ZNF469: variants seen among roughly 807,000 people sequenced by gnomAD.
ZNF469 encodes zinc finger protein 469.
Under a neutral mutation model 1.0 loss-of-function variants are expected in ZNF469, and 1 was observed. That is an observed-to-expected ratio of 1.00 (90% CI 0.35 to 4.73). The LOEUF is 4.73. Among genes scored for constraint, ZNF469 ranks in the 30% most tolerant of loss-of-function variants. ZNF469 has a pLI of 0.16. For synonymous variants in ZNF469, 2,703 were observed against 2,363.4 expected (o/e 1.14, Z -4.17); for missense variants, 6,100 against 5,356.3 (o/e 1.14, Z -4.33).
In ZNF469 at chr16:88,433,942, G is replaced by A. The variant is rs766049010; in HGVS notation, c.6472G>A (p.Asp2158Asn). The A allele has an allele frequency of 6.5e-7, 1 of 1,550,022 alleles. No individual in the cohort carries two copies. The highest frequency in any genetic ancestry group is 8.7e-7 in the Non-Finnish European group (1 of 1,146,910). The change falls in exon 3 of 3, where the codon GAC (aspartate) becomes AAC (asparagine). Residue 2158 changes from aspartate (D) to asparagine (N), a missense_variant. By Grantham distance (23) the Asp-to-Asn change is conservative. Transcript: ENST00000565624. Reference protein sequence around the residue: ...GQLPASPSCRDPPGPQQLLAC... With the variant: ...GQLPASPSCRNPPGPQQLLAC... ...GCTGCCAGCATCTCCGTCCTGCAGG[G>A]ACCCTCCCGGCCCCCAGCAGCTGCT...
the ZNF469 span, among the ~76,000 whole-genome samples, chr16:88,292,780 G>T: frequency 8.0e-6 from 1 of 124,594 alleles, no homozygotes; most frequent in Admixed American, 9.9e-5. Flanking sequence ...TATGTTAGCT[G>T]TCTCCACCCT....
chr16:88,237,122 G>T, the ZNF469 span, among the ~76,000 whole-genome samples: 1 of 146,284 alleles, frequency 6.8e-6, no homozygotes, highest in Non-Finnish European at 1.5e-5. Flanking sequence ...CAGCTTCCTG[G>T]GCCCCTAAAT....
rs1391650300 is a variant in ZNF469 at position 88,437,634 on chromosome 16, CGGGCTGCTGGAGCGGCCGGAGCT to C, written c.10166_10188del (p.Gly3389AlafsTer106). On this transcript the variant is annotated frameshift_variant, in exon 3 of 3. Transcript: ENST00000565624. LOFTEE classifies it low-confidence loss of function (END_TRUNC). ...TGCTGGCACACCTGGGCGGGGCGCA[CGGGCTGCTGGAGCGGCCGGAGCT>C]GCAGCACACGCCGCTGTATGCCTGC... The C allele has an allele frequency of 6.5e-7, 1 of 1,541,642 alleles. No homozygotes were observed.
At chr16:88,378,568 C>T (rs566995065), upstream of ZNF469, among the ~76,000 whole-genome samples, 1 of 152,116 alleles carries the variant, frequency 6.6e-6, no homozygotes, top group Non-Finnish European at 1.5e-5. Flanking sequence ...TAGGGAGCGC[C>T]GAGTCTGCAC....
the ZNF469 span, among the ~76,000 whole-genome samples, chr16:88,377,856 C>T: frequency 6.6e-6 from 1 of 151,680 alleles, no homozygotes; most frequent in Non-Finnish European, 1.5e-5. Flanking sequence ...CTTTCGTATT[C>T]TAGAGCTTGT....
intron 1 of ZNF469, among the ~76,000 whole-genome samples, chr16:88,416,795 CGGGA>C (rs1239493651): frequency 1.1e-4 from 17 of 152,302 alleles, no homozygotes; most frequent in African/African-American, 3.4e-4. Context: ...GCTCCCTCCA[CGGGA>C]CCCAGCCTGC....
chr16:88,376,799 C>A, the ZNF469 span, among the ~76,000 whole-genome samples: 3 of 152,214 alleles, frequency 2.0e-5, no homozygotes, highest in Non-Finnish European at 2.9e-5. Flanking sequence ...ACCCAGGCCA[C>A]CAGCTGCCTG....
the ZNF469 span, among the ~76,000 whole-genome samples, chr16:88,284,418 C>T: frequency 1.3e-5 from 2 of 152,088 alleles, no homozygotes; most frequent in Admixed American, 6.5e-5. Flanking sequence ...GAGTTTGAGA[C>T]CAGCCTGAGC....
the ZNF469 span, among the ~76,000 whole-genome samples, chr16:88,207,736 C>T: frequency 6.9e-6 from 1 of 144,122 alleles, no homozygotes; most frequent in African/African-American, 2.5e-5. Context: ...CCGCATCGCT[C>T]CCGTCCCCAC....
the ZNF469 span, among the ~76,000 whole-genome samples, chr16:88,272,947 CGGGTGGGTGTGTGG>C: frequency 7.4e-6 from 1 of 134,272 alleles, no homozygotes; most frequent in African/African-American, 2.9e-5. Context: ...GATGGATGAA[CGGGTGGGTGTGTGG>C]ATAGACGAGT....
At chr16:88,321,445 C>T in the ZNF469 span, among the ~76,000 whole-genome samples, 4 of 150,828 alleles carry the variant, frequency 2.7e-5, no homozygotes, top group African/African-American at 4.9e-5. Flanking sequence ...TGGATGTGGC[C>T]CTTGGCTGCT....
the ZNF469 span, among the ~76,000 whole-genome samples, chr16:88,297,432 A>G: frequency 6.6e-6 from 1 of 152,114 alleles, no homozygotes; most frequent in African/African-American, 2.4e-5. Context: ...GCACTCTGTC[A>G]TAGGCTTACC....
chr16:88,208,803 A>ACACT, the ZNF469 span, among the ~76,000 whole-genome samples: 15 of 123,656 alleles, frequency 1.2e-4, no homozygotes, highest in African/African-American at 4.7e-4. Flanking sequence ...ACACACACAC[A>ACACT]CTCTCTCTCT....
chr16:88,155,896 C>T, the ZNF469 span, among the ~76,000 whole-genome samples: 3 of 152,200 alleles, frequency 2.0e-5, no homozygotes, highest in South Asian at 2.1e-4. Flanking sequence ...GTCATCGCCA[C>T]GTTCTCATCA....
the ZNF469 span, among the ~76,000 whole-genome samples, chr16:88,237,195 C>A: frequency 3.8e-4 from 19 of 50,176 alleles, no homozygotes; most frequent in East Asian, 7.0e-4. Flanking sequence ...CCCTCCCTGC[C>A]CTCTGTGCTC....
the ZNF469 span, among the ~76,000 whole-genome samples, chr16:88,213,029 C>A: frequency 1.1e-4 from 17 of 151,982 alleles, no homozygotes; most frequent in Admixed American, 7.2e-4. Flanking sequence ...CTACCGTTTT[C>A]TTCTGCTTTG....
At chr16:88,200,240 C>T in the ZNF469 span, among the ~76,000 whole-genome samples, 96 of 152,244 alleles carry the variant, frequency 6.3e-4, 1 homozygote, top group African/African-American at 2.1e-3. Context: ...CAGGAGCCAG[C>T]GGGTGAAGTG....
the ZNF469 span, among the ~76,000 whole-genome samples, chr16:88,185,746 G>A: frequency 9.5e-5 from 9 of 94,576 alleles, no homozygotes; most frequent in African/African-American, 3.5e-4. Flanking sequence ...ATACACACTC[G>A]TGTGCCCAGA....
chr16:88,116,947 G>A, the ZNF469 span, among the ~76,000 whole-genome samples: 2 of 109,858 alleles, frequency 1.8e-5, no homozygotes, highest in Non-Finnish European at 3.8e-5. Flanking sequence ...TGCCTGAAGT[G>A]CATGCGTGCA....
Sources: gnomAD v4.1 joint callset for allele counts (sites outside exome capture counted in the v4.1 genomes callset) on GRCh38, gnomAD v4.1.1 for gene constraint, MANE v1.5 for transcripts, NCBI Gene and HGNC (gene_info 2026-07-23, HGNC 2026-07-21) for gene names.